The following HINT3 variants were observed in gnomAD, a reference collection of about 807,000 sequenced individuals.
HINT3 encodes histidine triad nucleotide binding protein 3, also known as adenosine 5'-monophosphoramidase HINT3.
A neutral mutation model predicts 19.1 loss-of-function variants in HINT3; 16 were observed. The observed-to-expected ratio is 0.84, with a 90% CI of 0.57 to 1.27. The LOEUF is 1.27. HINT3 is among the 50% of genes most tolerant of loss of function. The pLI is 0.00. For missense variants in HINT3, 197 were observed against 225.8 expected (o/e 0.87, Z 0.82); for synonymous variants, 75 against 84.8 (o/e 0.88, Z 0.63).
chr6:125,965,225 A>C (rs891603028), intron 1 of HINT3, among the ~76,000 whole-genome samples: 1 of 152,184 alleles, frequency 6.6e-6, no homozygotes, highest in Non-Finnish European at 1.5e-5. Flanking sequence ...CCTGCTAGCC[A>C]TTAGACTGGC....
At chr6:125,970,925 A>T (rs2128711654) in intron 2 of HINT3, among the ~76,000 whole-genome samples, 1 of 152,342 alleles carries the variant, frequency 6.6e-6, no homozygotes, top group South Asian at 2.1e-4. Context: ...GTACTGACCT[A>T]GTCTTGGAAG....
rs1381200100 is a variant in HINT3, at chr6:125,974,974, G to A, written c.516+1G>A. The A allele has an allele frequency of 6.2e-7, 1 of 1,613,260 alleles. No individual in the cohort carries two copies. The highest frequency in any genetic ancestry group is 2.2e-5 in the East Asian group (1 of 44,876). Reference sequence around the variant, plus strand: ...AGTCAATTCCTATTGGTTTATCACAGTGAGTATTCTTGTTATGTCAGCAGC... The same window carrying A: ...AGTCAATTCCTATTGGTTTATCACAATGAGTATTCTTGTTATGTCAGCAGC... On this transcript the variant is annotated splice_donor_variant, in intron 4 of 4. Transcript: ENST00000229633. LOFTEE classifies it high-confidence loss of function.
intron 1 of HINT3, among the ~76,000 whole-genome samples, chr6:125,964,594 C>T (rs1788990828): frequency 6.6e-6 from 1 of 151,946 alleles, no homozygotes; most frequent in Non-Finnish European, 1.5e-5. Flanking sequence ...GAAGATCTTC[C>T]TCATTCCTTT....
chr6:125,966,926 G>A lies in HINT3; in HGVS notation c.241G>A (p.Ala81Thr). ...LICFKDIKPA[A>T]THHYLVVPKK... is the part of the protein sequence containing the mutation. ...TTGCTTCAAAGATATCAAACCAGCA[G>A]CAACTCATCATTATCTTGTGGTGCC... Residue 81 changes from alanine to threonine, a missense_variant, in exon 2 of 5, where the codon GCA (alanine) becomes ACA (threonine). Ala to Thr is a moderately conservative substitution (Grantham distance 58, BLOSUM62 0). Transcript: ENST00000229633. 1 of 1,612,802 alleles carries A rather than the reference G, an allele frequency of 6.2e-7. No individual in the cohort carries two copies. Among genetic ancestry groups the A allele is most frequent in the African/African-American group, 1.3e-5 (1 of 74,978 alleles).
chr6:125,966,673 T>C (rs1380182644), intron 1 of HINT3, among the ~76,000 whole-genome samples: 2 of 152,202 alleles, frequency 1.3e-5, no homozygotes, highest in East Asian at 1.9e-4. Flanking sequence ...CCAAAATTGA[T>C]TTTATGTGTC....
In HINT3 at chr6:125,974,952, C is replaced by A; in HGVS notation, c.495C>A (p.Val165=). ...LGFLSKLVYR[V]NSYWFITADH... ...TCTTATCCAAGTTGGTTTATAGAGT[C>A]AATTCCTATTGGTTTATCACAGTGA... The change falls in exon 4 of 5, where the codon GTC becomes GTA. Residue 165 remains valine (V), a synonymous_variant. Coordinates refer to ENST00000229633, the MANE Select transcript of HINT3 (RefSeq NM_138571.5). 6.2e-7 allele frequency: 1 copy of A among 1,613,840 alleles called. No individual in the cohort carries two copies. Among genetic ancestry groups the A allele is most frequent in the African/African-American group, 1.3e-5 (1 of 75,022 alleles).
intron 1 of HINT3, among the ~76,000 whole-genome samples, chr6:125,964,737 T>C (rs890043073): frequency 6.7e-6 from 1 of 148,434 alleles, no homozygotes. Flanking sequence ...AATAGTTTTA[T>C]ACACACACAC....
chr6:125,962,652 G>T (rs886853281), intron 1 of HINT3, among the ~76,000 whole-genome samples: 5 of 152,100 alleles, frequency 3.3e-5, no homozygotes, highest in Admixed American at 6.6e-5. Context: ...ATCATGAGGG[G>T]TTAGTCTGGC....
intron 1 of HINT3, among the ~76,000 whole-genome samples, chr6:125,960,384 C>A (rs1053544787): frequency 1.3e-5 from 2 of 152,134 alleles, no homozygotes; most frequent in Non-Finnish European, 1.5e-5. Flanking sequence ...TGGAGCCGGG[C>A]GCAGTGGCAA....
chr6:125,960,579 T>C (rs1385556935), intron 1 of HINT3, among the ~76,000 whole-genome samples: 1 of 146,042 alleles, frequency 6.8e-6, no homozygotes, highest in East Asian at 2.1e-4. Flanking sequence ...ACTGCTTGAA[T>C]CCAGGAGGTG....
At position 125,977,748 on chromosome 6, in the gene HINT3, A is replaced by C; in HGVS notation, c.*72A>C. On this transcript the variant is annotated 3_prime_UTR_variant, in exon 5 of 5. Transcript: ENST00000229633. ...TGGTATTTAGGTCCCTTTTAAGTCT[A>C]ATTGCAATTTTAAGATTTGTTGGGT... The C allele has an allele frequency of 1.2e-6, 1 of 835,878 alleles. No individual in the cohort carries two copies. The highest frequency in any genetic ancestry group is 1.8e-6 in the Non-Finnish European group (1 of 544,814). 51.8% of individuals were successfully genotyped at this position (835,878 alleles called of 1,614,324 possible).
Position 125,956,876 on chromosome 6 carries a change from G to A in HINT3, c.-102G>A. ...ATCACCGCCCAGCGTCAGGCGAGGG[G>A]CGACGTCTCGAGGTAAAACGGAGGA... On this transcript the variant is annotated 5_prime_UTR_variant, in exon 1 of 5. Transcript: ENST00000229633. 8.4e-7 allele frequency: 1 copy of A among 1,194,762 alleles called. No homozygotes were observed. The highest frequency in any genetic ancestry group is 1.2e-6 in the Non-Finnish European group (1 of 857,178). 74.0% of individuals were successfully genotyped at this position (1,194,762 alleles called of 1,614,324 possible). A position where few individuals can be genotyped will look rare whatever the true frequency, so the allele number is the denominator to read the frequency against.
At chr6:125,975,472 G>C (rs534277503) in intron 4 of HINT3, among the ~76,000 whole-genome samples, 1 of 152,142 alleles carries the variant, frequency 6.6e-6, no homozygotes, top group South Asian at 2.1e-4. Context: ...TACCTCTATT[G>C]TATCATCAAC....
At chr6:125,964,405 C>T (rs1000905821) in intron 1 of HINT3, among the ~76,000 whole-genome samples, 1 of 151,926 alleles carries the variant, frequency 6.6e-6, no homozygotes, top group Non-Finnish European at 1.5e-5. Flanking sequence ...GTCTCTTTCT[C>T]CATAAGAAAC....
Position 125,957,053 on chromosome 6 carries a change from G to A in HINT3, c.76G>A (p.Val26Ile). ...GGCCTCGGCGACTGCAGAAACTACG[G>A]TTTCCTCAGTGGGGACCTGTGAAGC... ...CEASATAETT[V>I]SSVGTCEAAG... Residue 26 changes from valine to isoleucine, a missense_variant, in exon 1 of 5, where the codon GTT becomes ATT. By Grantham distance (29) the Val-to-Ile change is conservative. Transcript: ENST00000229633. The A allele has an allele frequency of 6.4e-7, 1 of 1,550,838 alleles. No individual in the cohort carries two copies. Among genetic ancestry groups the A allele is most frequent in the South Asian group, 1.2e-5 (1 of 84,068 alleles).
chr6:125,958,593 T>A (rs980718665), intron 1 of HINT3, among the ~76,000 whole-genome samples: 4 of 152,150 alleles, frequency 2.6e-5, no homozygotes, highest in African/African-American at 9.7e-5. Flanking sequence ...GAAAAGTATA[T>A]CAATTTAAGG....
chr6:125,967,308 G>T (rs1789032452), intron 2 of HINT3, among the ~76,000 whole-genome samples: 1 of 143,790 alleles, frequency 7.0e-6, no homozygotes, highest in Non-Finnish European at 1.5e-5. Context: ...CTGTCCAAAA[G>T]ATAATATATT....
Position 125,977,786 on chromosome 6 carries a change from T to G in HINT3, c.*110T>G. Reference sequence around the variant, plus strand: ...AGATTTGTTGGGTTTTATGAGAGGCTGTTACTTAGTGGCCTTAAATCTTTT... The same window carrying G: ...AGATTTGTTGGGTTTTATGAGAGGCGGTTACTTAGTGGCCTTAAATCTTTT... On this transcript the variant is annotated 3_prime_UTR_variant, in exon 5 of 5. Transcript: ENST00000229633. 1 of 584,020 alleles carries G rather than the reference T, an allele frequency of 1.7e-6. No homozygotes were observed. The highest frequency in any genetic ancestry group is 3.1e-6 in the Non-Finnish European group (1 of 327,122). The allele number at this position is 584,020 out of a possible 1,614,324, so 36.2% of individuals were successfully genotyped here.
In HINT3 at chr6:125,969,565, G is replaced by T. The variant is rs574444317; in HGVS notation, c.319+2561G>T. Reference sequence around the variant, plus strand: ...TGATGTTGGTAGTGTTGAATCCATAGATTACTTTGGGCAGTATGGCCTTTT... The same window carrying T: ...TGATGTTGGTAGTGTTGAATCCATATATTACTTTGGGCAGTATGGCCTTTT... On this transcript the variant is annotated intron_variant, in intron 2 of 4. Transcript: ENST00000229633. 2.6e-5 allele frequency among the ~76,000 whole-genome samples: 4 copies of T among 152,188 alleles called. No individual in the cohort carries two copies. The South Asian group carries it at 6.2e-4, about 24-fold the overall frequency.
Sources: allele counts gnomAD v4.1 joint callset (sites outside exome capture counted in the v4.1 genomes callset), GRCh38; gene constraint gnomAD v4.1.1; transcripts MANE v1.5; gene names NCBI Gene and HGNC (gene_info 2026-07-23, HGNC 2026-07-21).